OPHN1: variants seen among roughly 807,000 people sequenced by gnomAD.
The protein encoded by OPHN1 is oligophrenin-1.
OPHN1 carries 11 observed loss-of-function variants against 60.7 expected under a neutral mutation model. That is an observed-to-expected ratio of 0.18 (90% confidence interval 0.11 to 0.30). The LOEUF (loss-of-function observed/expected upper bound fraction) is 0.30, where lower values mean the gene tolerates loss of function less well. Ranked by LOEUF, OPHN1 falls within the 10% of genes least tolerant of loss-of-function variation. The pLI, the probability that OPHN1 is intolerant of heterozygous loss-of-function variation, is 1.00. For synonymous variants in OPHN1, 226 were observed against 222.6 expected, an observed-to-expected ratio of 1.02 and a Z score of -0.14; for missense variants, 449 against 611.0, an observed-to-expected ratio of 0.73 and a Z score of 2.80.
chrX:68,157,994 G>T (rs1362571888), intron 15 of OPHN1, among the ~76,000 whole-genome samples: 1 of 111,094 alleles, frequency 9.0e-6, no homozygotes, highest in Non-Finnish European at 1.9e-5. Flanking sequence ...TGTTGCCCAG[G>T]CTGGAGTGCA....
intron 15 of OPHN1, among the ~76,000 whole-genome samples, chrX:68,188,282 A>C (rs1393606396): frequency 8.9e-6 from 1 of 112,502 alleles, no homozygotes; most frequent in Admixed American, 9.5e-5. Context: ...ACAAATATTC[A>C]TATCACAAAC....
At chrX:68,135,237 T>A (rs990613096) in intron 15 of OPHN1, among the ~76,000 whole-genome samples, 2 of 112,058 alleles carry the variant, frequency 1.8e-5, no homozygotes, top group Non-Finnish European at 3.8e-5. Context: ...TGCAACATTA[T>A]TCTTTGCACA....
intron 2 of OPHN1, among the ~76,000 whole-genome samples, chrX:68,347,855 TG>T (rs372436594): frequency 0.23 from 25,124 of 111,019 alleles, 2,798 homozygotes; most frequent in African/African-American, 0.43. Flanking sequence ...ACATTAATTT[TG>T]CAAAGCACTT....
chrX:68,372,368 C>T (rs1035306549), intron 2 of OPHN1, among the ~76,000 whole-genome samples: 1 of 111,210 alleles, frequency 9.0e-6, no homozygotes, highest in African/African-American at 3.3e-5. Flanking sequence ...GTAACCAATG[C>T]CACTGATCTG....
At chrX:68,092,977 A>G (rs935291756) in intron 19 of OPHN1, among the ~76,000 whole-genome samples, 4 of 111,241 alleles carry the variant, frequency 3.6e-5, no homozygotes, top group African/African-American at 1.3e-4. Context: ...AAGGCTCCCT[A>G]CTGCCTTCAG....
At chrX:68,361,508 A>T (rs912877254) in intron 2 of OPHN1, among the ~76,000 whole-genome samples, 1 of 109,713 alleles carries the variant, frequency 9.1e-6, no homozygotes, top group Admixed American at 9.9e-5. Context: ...AAAAATAAAA[A>T]AAATATATAT....
intron 17 of OPHN1, 40 bp from the exon 18 acceptor site, chrX:68,111,999 G>A (rs1237507146): frequency 1.0e-6 from 1 of 973,772 alleles, no homozygotes; most frequent in African/African-American, 1.9e-5. Context: ...TTGGCTTTCT[G>A]GGCAACTGGA....
intron 19 of OPHN1, among the ~76,000 whole-genome samples, chrX:68,093,469 T>C (rs1454306710): frequency 9.0e-6 from 1 of 111,644 alleles, no homozygotes; most frequent in Non-Finnish European, 1.9e-5. Flanking sequence ...CCGATAGAAG[T>C]GCATGTTTAG....
At chrX:68,319,037 C>CACT (rs1456113979) in intron 2 of OPHN1, among the ~76,000 whole-genome samples, 1 of 111,537 alleles carries the variant, frequency 9.0e-6, no homozygotes, top group Non-Finnish European at 1.9e-5. Context: ...ACCTGGATAA[C>CACT]GCAGTGTCAG....
At position 68,155,781 on chromosome X, in the gene OPHN1, A is replaced by T. The variant is rs1295383971; in HGVS notation, c.1277-36449T>A. On this transcript the variant is annotated intron_variant, in intron 15 of 24. Coordinates refer to ENST00000355520, the MANE Select transcript of OPHN1 (RefSeq NM_002547.3). ...GAAAACCCAACCTGATAAGCAGCTT[A>T]CAAAATGTGAAGACTGGGATAATGT... Among the ~76,000 whole-genome samples, 3 of 112,134 alleles carry T rather than the reference A, an allele frequency of 2.7e-5. No individual in the cohort carries two copies. In the East Asian group the frequency reaches 8.4e-4, roughly 31 times the overall value.
intron 2 of OPHN1, among the ~76,000 whole-genome samples, chrX:68,356,244 A>G (rs73537300): frequency 7.3e-5 from 8 of 110,203 alleles, no homozygotes. Context: ...CAATCAGTTG[A>G]AGGCTTAAAT....
At chrX:68,173,010 C>T (rs1177649029) in intron 15 of OPHN1, among the ~76,000 whole-genome samples, 3 of 110,710 alleles carry the variant, frequency 2.7e-5, no homozygotes, top group Non-Finnish European at 5.7e-5. Flanking sequence ...ATTGACTTGG[C>T]CCATTGATCC....
At chrX:68,173,326 T>C (rs925783531) in intron 15 of OPHN1, among the ~76,000 whole-genome samples, 2 of 111,541 alleles carry the variant, frequency 1.8e-5, no homozygotes, top group Non-Finnish European at 3.8e-5. Context: ...GTCTCCTCTG[T>C]ATAGTATTAC....
In OPHN1 at chrX:68,170,767, C is replaced by T. The variant is rs2077386675; in HGVS notation, c.1276+22152G>A. On this transcript the variant is annotated intron_variant, in intron 15 of 24. Transcript: ENST00000355520. ...TGGACACAGGAAGGGGAACATCACACTCTGGGGACTGTTGTGGGGTGGGGG... is the reference window on the plus strand; with the variant it reads ...TGGACACAGGAAGGGGAACATCACATTCTGGGGACTGTTGTGGGGTGGGGG... Among the ~76,000 whole-genome samples the T allele has an allele frequency of 3.9e-5, 3 of 77,285 alleles. No individual in the cohort carries two copies. In the Admixed American group the frequency reaches 6.1e-4, roughly 16 times the overall value. 67.1% of individuals were successfully genotyped at this position (77,285 alleles called of 115,157 possible).
At chrX:68,062,085 C>G (rs1257679718) in intron 21 of OPHN1, among the ~76,000 whole-genome samples, 5 of 111,821 alleles carry the variant, frequency 4.5e-5, no homozygotes, top group African/African-American at 1.6e-4. Flanking sequence ...GGAACCAAAC[C>G]TGTGACACTG....
chrX:68,099,076 C>A (rs1322087551), intron 18 of OPHN1, among the ~76,000 whole-genome samples: 2 of 111,687 alleles, frequency 1.8e-5, no homozygotes, highest in African/African-American at 6.5e-5. Context: ...CCTTCTGATT[C>A]TCTGAGGGAG....
chrX:68,229,569 A>T (rs1028882718), intron 6 of OPHN1, among the ~76,000 whole-genome samples: 1 of 111,493 alleles, frequency 9.0e-6, no homozygotes. Context: ...ACAGATATAT[A>T]GACCAATGGA....
At chrX:68,396,205 G>C (rs2078682439) in intron 2 of OPHN1, among the ~76,000 whole-genome samples, 1 of 105,028 alleles carries the variant, frequency 9.5e-6, no homozygotes, top group South Asian at 4.5e-4. Context: ...GGCTGAGGTG[G>C]AAGGACCACT....
At chrX:68,196,542 C>T (rs5964650) in intron 12 of OPHN1, among the ~76,000 whole-genome samples, 11,504 of 111,526 alleles carry the variant, frequency 0.1, 1,506 homozygotes, top group African/African-American at 0.36. Context: ...ATTTAATATG[C>T]CACTAAGAAA....
Sources: gnomAD v4.1 joint callset for allele counts (sites outside exome capture counted in the v4.1 genomes callset) on GRCh38, gnomAD v4.1.1 for gene constraint, MANE v1.5 for transcripts, NCBI Gene and HGNC (gene_info 2026-07-23, HGNC 2026-07-21) for gene names.